Variants in PKHD1L1 observed in about 807,000 individuals in gnomAD.
PKHD1L1 encodes the protein PKHD1 like 1, also known as fibrocystin-L.
PKHD1L1 carries 434 observed loss-of-function variants against 462.9 expected under a neutral mutation model. The ratio of observed to expected loss-of-function variants is 0.94; its 90% confidence interval spans 0.87 to 1.02. The LOEUF (loss-of-function observed/expected upper bound fraction) is 1.02, where lower values mean the gene tolerates loss of function less well. PKHD1L1 is among the 50% of genes least tolerant of loss of function. The pLI is 0.00. For synonymous variants in PKHD1L1, 1,781 were observed against 1,750.0 expected (o/e 1.02, Z -0.44); for missense variants, 5,202 against 5,096.1 (o/e 1.02, Z -0.63).
At chr8:109,407,636 T>C (rs749814259) in intron 17 of PKHD1L1, among the ~76,000 whole-genome samples, 1 of 152,182 alleles carries the variant, frequency 6.6e-6, no homozygotes, top group African/African-American at 2.4e-5. Context: ...AATTCAGCTT[T>C]GTGCCCTATT....
rs1477541305 is a variant in PKHD1L1, at chr8:109,400,265, C to G, written c.1202C>G (p.Ser401Cys). The G allele has an allele frequency of 6.2e-7, 1 of 1,613,624 alleles. No homozygotes were observed. The highest frequency in any genetic ancestry group is 8.5e-7 in the Non-Finnish European group (1 of 1,179,642). ...RFSGFLVAPD[S>C]DVYRFYIKGD... ...AGTGGATTTTTGGTGGCTCCAGATT[C>G]TGATGTTTATAGATTCTACATCAAG... The change falls in exon 13 of 78, where the codon TCT becomes TGT. Residue 401 changes from serine to cysteine, a missense_variant. Around this residue, in one of 3 missense-constraint regions of PKHD1L1, gnomAD observed 4,497 missense variants for 4,336.8 expected, o/e 1.04. Coordinates refer to ENST00000378402, the MANE Select transcript of PKHD1L1 (RefSeq NM_177531.6).
At chr8:109,525,562 CAT>C (rs1820775086) in intron 76 of PKHD1L1, among the ~76,000 whole-genome samples, 1 of 152,118 alleles carries the variant, frequency 6.6e-6, no homozygotes. Context: ...TGATTGAGGT[CAT>C]ATCTCTATGG....
At chr8:109,392,020 A>G (rs1324726810) in intron 9 of PKHD1L1, among the ~76,000 whole-genome samples, 2 of 152,234 alleles carry the variant, frequency 1.3e-5, no homozygotes, top group African/African-American at 4.8e-5. Flanking sequence ...TGTGATTTAC[A>G]TGGGACACAT....
chr8:109,466,858 T>A, intron 50 of PKHD1L1, 89 bp downstream of exon 50: 1 of 1,200,766 alleles, frequency 8.3e-7, no homozygotes, highest in Non-Finnish European at 1.2e-6. Context: ...ACTTGGTTGT[T>A]CAAACATTGC....
Position 109,404,994 on chromosome 8 carries a change from G to A in PKHD1L1, c.1534-1G>A, listed in dbSNP as rs1468411871. The A allele has an allele frequency of 6.7e-7, 1 of 1,483,292 alleles. No individual in the cohort carries two copies. The highest frequency in any genetic ancestry group is 9.0e-7 in the Non-Finnish European group (1 of 1,106,564). 91.9% of individuals were successfully genotyped at this position (1,483,292 alleles called of 1,614,324 possible). On this transcript the variant is annotated splice_acceptor_variant, in intron 15 of 77. Coordinates refer to ENST00000378402, the MANE Select transcript of PKHD1L1 (RefSeq NM_177531.6). LOFTEE classifies it high-confidence loss of function. ...AAAAATGTTTCTTAATTGGAAAATAGGTTATAACATTGGAAAACTGGGAAA... is the reference window on the plus strand; with the variant it reads ...AAAAATGTTTCTTAATTGGAAAATAAGTTATAACATTGGAAAACTGGGAAA...
At chr8:109,412,008 T>A (rs1229127307) in intron 19 of PKHD1L1, among the ~76,000 whole-genome samples, 3 of 151,964 alleles carry the variant, frequency 2.0e-5, no homozygotes, top group Non-Finnish European at 4.4e-5. Flanking sequence ...AGAGAATGAA[T>A]AAATACCCGT....
At chr8:109,495,585 C>A (rs908726641) in intron 63 of PKHD1L1, among the ~76,000 whole-genome samples, 11 of 152,052 alleles carry the variant, frequency 7.2e-5, no homozygotes, top group African/African-American at 2.7e-4. Flanking sequence ...GTTCAGGGGT[C>A]AAACCCTATT....
chr8:109,381,247 A>G, intron 2 of PKHD1L1, 123 bp from the exon 3 acceptor site: 1 of 832,026 alleles, frequency 1.2e-6, no homozygotes, highest in South Asian at 1.7e-5. Flanking sequence ...AATATGAAAT[A>G]GGTTCACTGC....
rs183544976 is a variant in PKHD1L1, at chr8:109,421,738, C to G, written c.2697+1048C>G. Among the ~76,000 whole-genome samples, 701 of 152,196 alleles carry G rather than the reference C, an allele frequency of 4.6e-3. 7 individuals are homozygous for G. The highest frequency in any genetic ancestry group is 0.016 in the African/African-American group (649 of 41,530). ...GGCGGAGCTTGCAGTGAGCGGAGAT[C>G]GCGCCACTGCACTTCAGCCTCGGCG... On this transcript the variant is annotated intron_variant, in intron 23 of 77. Transcript: ENST00000378402.
chr8:109,432,666 A>T (rs939937562), intron 27 of PKHD1L1, among the ~76,000 whole-genome samples: 2 of 152,204 alleles, frequency 1.3e-5, no homozygotes, highest in African/African-American at 4.8e-5. Flanking sequence ...GTATCACCAT[A>T]AACAGAAGAA....
At chr8:109,441,967 C>G (rs1815817153) in intron 34 of PKHD1L1, 40 bp from the exon 35 acceptor site, 1 of 1,469,184 alleles carries the variant, frequency 6.8e-7, no homozygotes, top group African/African-American at 1.4e-5. Flanking sequence ...TTAAGAAATT[C>G]TCTTTTTCTT....
intron 21 of PKHD1L1, among the ~76,000 whole-genome samples, chr8:109,416,221 G>A (rs1272918479): frequency 6.6e-6 from 1 of 152,088 alleles, no homozygotes; most frequent in Non-Finnish European, 1.5e-5. Context: ...CTTGAAATAA[G>A]CATTAAAAAG....
chr8:109,425,038 C>T (rs372014533), intron 23 of PKHD1L1, 47 bp from the exon 24 acceptor site: 384 of 1,395,020 alleles, frequency 2.8e-4, no homozygotes, highest in South Asian at 1.2e-3. Flanking sequence ...ATCATGTAAG[C>T]CATTGTTAAG....
chr8:109,432,608 G>C (rs1586498222), intron 27 of PKHD1L1, among the ~76,000 whole-genome samples: 1 of 152,100 alleles, frequency 6.6e-6, no homozygotes, highest in Admixed American at 6.5e-5. Flanking sequence ...AGTTTAAGAC[G>C]CTGGAACACA....
rs764637753 is a variant in PKHD1L1, at chr8:109,526,818, T to G, written c.12519T>G (p.Asn4173Lys). The G allele has an allele frequency of 1.3e-6, 2 of 1,563,584 alleles. No homozygotes were observed. The highest frequency in any genetic ancestry group is 2.3e-5 in the South Asian group (2 of 85,436). The change falls in exon 77 of 78, where the codon AAT becomes AAG. Residue 4173 changes from asparagine to lysine, a missense_variant. Asn to Lys is a moderately conservative substitution (Grantham distance 94). Coordinates refer to ENST00000378402, the MANE Select transcript of PKHD1L1 (RefSeq NM_177531.6). ...ATAAGATTGAATTTATACTGGATAA[T>G]GTTGTTGGGGTAGAATCCAGAACTT... ...KNYKIEFILD[N>K]VVGVESRTFS...
At chr8:109,412,534 G>A in intron 20 of PKHD1L1, 120 bp downstream of exon 20, 1 of 1,054,820 alleles carries the variant, frequency 9.5e-7, no homozygotes, top group Non-Finnish European at 1.3e-6. Context: ...TATTGTAACA[G>A]GCACCGAAGT....
intron 46 of PKHD1L1, among the ~76,000 whole-genome samples, chr8:109,457,988 C>A (rs1816914864): frequency 6.6e-6 from 1 of 152,138 alleles, no homozygotes; most frequent in Non-Finnish European, 1.5e-5. Context: ...TTCCCTCTAT[C>A]TTTTGGAATG....
intron 2 of PKHD1L1, among the ~76,000 whole-genome samples, chr8:109,377,067 A>G (rs1811874434): frequency 6.6e-6 from 1 of 152,228 alleles, no homozygotes; most frequent in African/African-American, 2.4e-5. Context: ...ACCTTTGTGG[A>G]ACACCGAAAA....
chr8:109,421,864 T>G (rs1814493176), intron 23 of PKHD1L1, among the ~76,000 whole-genome samples: 1 of 152,306 alleles, frequency 6.6e-6, no homozygotes, highest in African/African-American at 2.4e-5. Flanking sequence ...TTTTTCAAGA[T>G]TCCTCAATAA....
Sources: gnomAD v4.1 joint callset for allele counts (sites outside exome capture counted in the v4.1 genomes callset) on GRCh38, gnomAD v4.1.1 for gene constraint, gnomAD v4.1.1 regional missense constraint, MANE v1.5 for transcripts, NCBI Gene and HGNC (gene_info 2026-07-23, HGNC 2026-07-21) for gene names.